PTBP2: variants seen among roughly 807,000 people sequenced by gnomAD.
The protein encoded by PTBP2 is polypyrimidine tract binding protein 2, also known as polypyrimidine tract-binding protein 2.
In PTBP2, 13 loss-of-function variants were observed where a neutral mutation model predicts 61.4. The observed-to-expected ratio is 0.21, with a 90% CI of 0.14 to 0.34. The LOEUF (loss-of-function observed/expected upper bound fraction) is 0.34. Ranked by LOEUF, PTBP2 falls within the 10% of genes least tolerant of loss-of-function variation. The probability of loss-of-function intolerance (pLI) is 1.00; values close to 1 mark genes in which losing one functional copy is unlikely to be tolerated. For missense variants in PTBP2, 405 were observed against 642.6 expected, an observed-to-expected ratio of 0.63 and a Z score of 4.00; for synonymous variants, 215 against 218.5, an observed-to-expected ratio of 0.98 and a Z score of 0.14.
chr1:96,752,227 A>C (rs1570790102), intron 3 of PTBP2, among the ~76,000 whole-genome samples: 3 of 152,086 alleles, frequency 2.0e-5, no homozygotes, highest in East Asian at 3.9e-4. Flanking sequence ...GAATTTGATT[A>C]TTATTATTAT....
intron 2 of PTBP2, among the ~76,000 whole-genome samples, chr1:96,731,404 G>C (rs1651395557): frequency 6.6e-6 from 1 of 152,046 alleles, no homozygotes; most frequent in South Asian, 2.1e-4. Context: ...ATTTTGAAAT[G>C]GGTGAGGTTT....
rs753060022 is a variant in PTBP2 at position 96,785,045 on chromosome 1, A to T, written c.709-14A>T. ...TTGTTTAAGATTGCTGATATGCTTT[A>T]TTCACTTTTACAGGCCCTAGATGGT... On this transcript the variant is annotated splice_polypyrimidine_tract_variant and intron_variant, in intron 7 of 13. Coordinates refer to ENST00000674951, the MANE Select transcript of PTBP2 (RefSeq NM_021190.4). The T allele has an allele frequency of 1.5e-5, 23 of 1,508,842 alleles. No individual in the cohort carries two copies. Among genetic ancestry groups the T allele is most frequent in the Admixed American group, 6.9e-5 (3 of 43,274 alleles). The allele number at this position is 1,508,842 out of a possible 1,614,324, so 93.5% of individuals were successfully genotyped here. A position where few individuals can be genotyped will look rare whatever the true frequency, so the allele number is the denominator to read the frequency against.
chr1:96,748,552 A>T (rs1654138229), intron 2 of PTBP2, among the ~76,000 whole-genome samples: 1 of 152,160 alleles, frequency 6.6e-6, no homozygotes, highest in Non-Finnish European at 1.5e-5. Flanking sequence ...ATTACTCAGG[A>T]AGAAAAGTTT....
downstream of PTBP2, chr1:96,816,992 T>G (rs562599720): frequency 1.3e-5 from 2 of 152,274 alleles, 1 homozygote; most frequent in African/African-American, 4.8e-5. Flanking sequence ...TTTACTAGTT[T>G]CATAAAGCAG....
chr1:96,767,362 G>GT (rs1488872565), intron 3 of PTBP2, among the ~76,000 whole-genome samples: 1 of 152,082 alleles, frequency 6.6e-6, no homozygotes, highest in Admixed American at 6.6e-5. Flanking sequence ...GTGATAGGTA[G>GT]TATCTTTATT....
At chr1:96,737,202 C>G (rs963893047) in intron 2 of PTBP2, among the ~76,000 whole-genome samples, 1 of 151,860 alleles carries the variant, frequency 6.6e-6, no homozygotes, top group East Asian at 1.9e-4. Context: ...TCCTGACCTC[C>G]TGATCTGCCC....
In PTBP2 at chr1:96,759,843, A is replaced by G. The variant is rs75724027; in HGVS notation, c.115+8343A>G. Among the ~76,000 whole-genome samples, 40 of 152,306 alleles carry G rather than the reference A, an allele frequency of 2.6e-4. No individual in the cohort carries two copies. The East Asian group carries it at 6.6e-3, about 25-fold the overall frequency. ...AGACGTACCCGAGACTGGGCGGGCA[A>G]TTTATGAAAGAAACCAGTTTAATGA... is the stretch of plus-strand genomic sequence containing the variant. On this transcript the variant is annotated intron_variant, in intron 3 of 13. Coordinates refer to ENST00000674951, the MANE Select transcript of PTBP2 (RefSeq NM_021190.4).
intron 8 of PTBP2, among the ~76,000 whole-genome samples, chr1:96,791,821 T>C (rs1234048529): frequency 7.5e-6 from 1 of 133,024 alleles, no homozygotes; most frequent in Non-Finnish European, 1.6e-5. Context: ...TTGCTTGGAG[T>C]TGTGCTTTTT....
rs1319111510 is a variant in PTBP2, at chr1:96,769,685, T to C, written c.116-18T>C. The C allele has an allele frequency of 6.6e-7, 1 of 1,522,628 alleles. No homozygotes were observed. Among genetic ancestry groups the C allele is most frequent in the Non-Finnish European group, 8.8e-7 (1 of 1,132,930 alleles). The allele number at this position is 1,522,628 out of a possible 1,614,324, so 94.3% of individuals were successfully genotyped here. A position where few individuals can be genotyped will look rare whatever the true frequency, so the allele number is the denominator to read the frequency against. On this transcript the variant is annotated intron_variant, in intron 3 of 13. Transcript: ENST00000674951. ...TTTTATTGTTGATATATAAGGACTG[T>C]TTTTTAATGTCTTTCAGCCAATGGT...
At chr1:96,731,748 TA>T (rs1017802209) in intron 2 of PTBP2, among the ~76,000 whole-genome samples, 2 of 152,160 alleles carry the variant, frequency 1.3e-5, no homozygotes, top group African/African-American at 4.8e-5. Flanking sequence ...GTGAGACTAT[TA>T]AGAAAGAATA....
chr1:96,803,619 G>A (rs1279658602), intron 8 of PTBP2, among the ~76,000 whole-genome samples: 1 of 152,098 alleles, frequency 6.6e-6, no homozygotes, highest in Non-Finnish European at 1.5e-5. Context: ...GAGCGCTTCA[G>A]ATTGCCAATG....
intron 2 of PTBP2, among the ~76,000 whole-genome samples, chr1:96,744,951 G>T (rs753428678): frequency 6.6e-6 from 1 of 151,988 alleles, no homozygotes; most frequent in Admixed American, 6.5e-5. Flanking sequence ...CTGTTTTCAG[G>T]TGTAATTGTC....
intron 2 of PTBP2, among the ~76,000 whole-genome samples, chr1:96,738,474 C>T (rs1652538010): frequency 6.6e-6 from 1 of 151,456 alleles, no homozygotes; most frequent in Admixed American, 6.6e-5. Context: ...GGGGTTTCAC[C>T]GTGTTAGCCA....
In PTBP2 at chr1:96,759,210, A is replaced by G. The variant is rs1011729798; in HGVS notation, c.115+7710A>G. 3.9e-5 allele frequency among the ~76,000 whole-genome samples: 6 copies of G among 152,206 alleles called. No individual in the cohort carries two copies. The South Asian group carries it at 1.2e-3, about 31-fold the overall frequency. ...TATGTTAACATGCCAGTTCTCCCTA[A>G]ATTGGGATGGCATTGAATCTATAAA... On this transcript the variant is annotated intron_variant, in intron 3 of 13. Coordinates refer to ENST00000674951, the MANE Select transcript of PTBP2 (RefSeq NM_021190.4).
In PTBP2 at chr1:96,741,509, G is replaced by A. The variant is rs138108895; in HGVS notation, c.40-9916G>A. Among the ~76,000 whole-genome samples, 38 of 152,160 alleles carry A rather than the reference G, an allele frequency of 2.5e-4. No individual in the cohort carries two copies. The East Asian group carries it at 6.2e-3, about 25-fold the overall frequency. Reference sequence around the variant, plus strand: ...ACTCCCAGGCTCAAGCAGTTCTCCCGCATTGGCCTCCTAAAGTGCTGAGAT... The same window carrying A: ...ACTCCCAGGCTCAAGCAGTTCTCCCACATTGGCCTCCTAAAGTGCTGAGAT... On this transcript the variant is annotated intron_variant, in intron 2 of 13. Transcript: ENST00000674951.
chr1:96,792,054 G>T (rs756513110), intron 8 of PTBP2, among the ~76,000 whole-genome samples: 15 of 151,836 alleles, frequency 9.9e-5, no homozygotes, highest in Non-Finnish European at 2.2e-4. Flanking sequence ...AGCCAGGATG[G>T]TCTTGATCTC....
In PTBP2 at chr1:96,807,147, A is replaced by C. The variant is rs377394162; in HGVS notation, c.1171+189A>C. Reference sequence around the variant, plus strand: ...ATTTGTATTTTTCTGCTATCCTCCTACTGTTTTTCAAATGCACTCATAATA... The same window carrying C: ...ATTTGTATTTTTCTGCTATCCTCCTCCTGTTTTTCAAATGCACTCATAATA... On this transcript the variant is annotated intron_variant, in intron 11 of 13. Transcript: ENST00000674951. Among the ~76,000 whole-genome samples the C allele has an allele frequency of 1.6e-4, 25 of 152,174 alleles. 1 individual carries two copies. Among genetic ancestry groups the C allele is most frequent in the African/African-American group, 5.5e-4 (23 of 41,538 alleles).
chr1:96,806,375 C>G (rs890587315), intron 9 of PTBP2, 44 bp from the exon 10 acceptor site: 23 of 1,436,536 alleles, frequency 1.6e-5, no homozygotes, highest in Non-Finnish European at 2.1e-5. Context: ...CTCGACTCTT[C>G]TCTCTTCTTG....
At chr1:96,741,084 A>G (rs780740786) in intron 2 of PTBP2, among the ~76,000 whole-genome samples, 1 of 150,332 alleles carries the variant, frequency 6.7e-6, no homozygotes, top group Non-Finnish European at 1.5e-5. Context: ...GAAAATCGGC[A>G]TTGTTGGACT....
Sources: gnomAD v4.1 joint callset for allele counts (sites outside exome capture counted in the v4.1 genomes callset) on GRCh38, gnomAD v4.1.1 for gene constraint, MANE v1.5 for transcripts, NCBI Gene and HGNC (gene_info 2026-07-23, HGNC 2026-07-21) for gene names.